Variants in MICAL3 observed in about 807,000 individuals in gnomAD.
The protein encoded by MICAL3 is [F-actin]-monooxygenase MICAL3.
Under a neutral mutation model 207.4 loss-of-function variants are expected in MICAL3, and 62 were observed. That is an observed-to-expected ratio of 0.30 (90% confidence interval 0.24 to 0.37). The LOEUF (loss-of-function observed/expected upper bound fraction) is 0.37. MICAL3 is among the 10% of genes least tolerant of loss of function. The probability of loss-of-function intolerance (pLI) is 1.00; values close to 1 mark genes in which losing one functional copy is unlikely to be tolerated. For missense variants in MICAL3, 2,368 were observed against 2,635.6 expected (o/e 0.90, Z 2.22); for synonymous variants, 1,077 against 1,069.3 (o/e 1.01, Z -0.14).
intron 16 of MICAL3, among the ~76,000 whole-genome samples, chr22:17,872,245 C>A (rs983445122): frequency 8.5e-5 from 13 of 152,380 alleles, no homozygotes; most frequent in African/African-American, 3.1e-4. Flanking sequence ...ACACTTGGCA[C>A]AACCGCGAAA....
chr22:17,867,611 C>T (rs1239304506), intron 17 of MICAL3, among the ~76,000 whole-genome samples: 1 of 152,228 alleles, frequency 6.6e-6, no homozygotes, highest in South Asian at 2.1e-4. Context: ...CCAGGCCGCT[C>T]GGCAACTCAC....
Position 17,900,912 on chromosome 22 carries a change from T to C in MICAL3, c.777A>G (p.Lys259=). The C allele has an allele frequency of 1.9e-6, 3 of 1,614,032 alleles. No homozygotes were observed. The highest frequency in any genetic ancestry group is 2.5e-6 in the Non-Finnish European group (3 of 1,179,864). ...FINRNTTAEA[K]VEEISGVAFI... ...AAGCCACACCACTGATCTCTTCCAC[T>C]TTAGCTTCTGCTGTTGTATTTCGGT... The change falls in exon 6 of 32, where the codon AAA becomes AAG. Residue 259 remains lysine (K), a synonymous_variant. Transcript: ENST00000441493. This position sits in a 1 kb window ranked among gnomAD's most constrained non-coding sequence, Gnocchi z 4.0.
chr22:17,951,449 CCT>C (rs1326585886), intron 1 of MICAL3, among the ~76,000 whole-genome samples: 2 of 151,520 alleles, frequency 1.3e-5, no homozygotes, highest in African/African-American at 2.4e-5. Context: ...GATAAGAGCC[CCT>C]GTGTGACGCA....
intron 29 of MICAL3, among the ~76,000 whole-genome samples, chr22:17,807,350 G>A (rs2061999332): frequency 6.6e-6 from 1 of 152,228 alleles, no homozygotes; most frequent in African/African-American, 2.4e-5. Context: ...AGGGGGGCAG[G>A]GGCACCGCAG....
Position 17,916,675 on chromosome 22 carries a change from A to C in MICAL3, c.-74-9789T>G, listed in dbSNP as rs967394724. Among the ~76,000 whole-genome samples the C allele has an allele frequency of 9.2e-5, 14 of 151,920 alleles. No homozygotes were observed. The South Asian group carries it at 1.0e-3, about 11-fold the overall frequency. ...ACAGCTCACTACCGTCTGCCCCCCC[A>C]CAACCCCACCGGCCTCCAGGACAAG... is the stretch of plus-strand genomic sequence containing the variant. On this transcript the variant is annotated intron_variant, in intron 1 of 31. Transcript: ENST00000441493.
intron 11 of MICAL3, among the ~76,000 whole-genome samples, chr22:17,893,018 T>C (rs890860074): frequency 7.2e-5 from 11 of 152,082 alleles, no homozygotes; most frequent in African/African-American, 2.7e-4. Flanking sequence ...CAATGTGAGG[T>C]AGACACTGCT....
chr22:17,907,795 G>A (rs1015523116), intron 1 of MICAL3, among the ~76,000 whole-genome samples: 6 of 152,208 alleles, frequency 3.9e-5, no homozygotes, highest in African/African-American at 9.6e-5. Flanking sequence ...CAGAAAGTTC[G>A]AGAGTGTCAA....
intron 1 of MICAL3, chr22:18,006,066 A>T (rs1204051429): frequency 6.6e-6 from 1 of 152,148 alleles, no homozygotes; most frequent in East Asian, 1.9e-4. Context: ...TCACTCCCAT[A>T]GCTCTCTCTT....
chr22:17,879,497 G>A (rs1451304248), intron 16 of MICAL3: 2 of 967,330 alleles, frequency 2.1e-6, no homozygotes, highest in East Asian at 2.6e-5. Flanking sequence ...GAAATGCAGA[G>A]TTCAACACAT....
At chr22:17,949,908 A>G (rs1023257083) in intron 1 of MICAL3, among the ~76,000 whole-genome samples, 2 of 152,242 alleles carry the variant, frequency 1.3e-5, no homozygotes, top group Admixed American at 6.5e-5. Context: ...AGGGCCAGAG[A>G]TGCTGTGCTT....
At chr22:17,879,156 C>T (rs1929177117) in intron 16 of MICAL3, among the ~76,000 whole-genome samples, 2 of 152,174 alleles carry the variant, frequency 1.3e-5, no homozygotes, top group Admixed American at 1.3e-4. Flanking sequence ...GACTGCTTTA[C>T]AGTGAATGCT....
chr22:17,789,384 T>A lies in MICAL3; in HGVS notation c.*1348A>T, dbSNP rs79839523. The A allele has an allele frequency of 3.7e-3, 558 of 152,308 alleles. 5 individuals carry two copies. Among genetic ancestry groups the A allele is most frequent in the African/African-American group, 0.013 (531 of 41,562 alleles). 9.4% of individuals were successfully genotyped at this position (152,308 alleles called of 1,614,324 possible). The stretch of plus-strand genomic sequence containing the variant: ...CCATCCTGAAACCTTCTTTAACATA[T>A]GTGCGGAGGAAGGTGATGCCCTGGC... On this transcript the variant is annotated 3_prime_UTR_variant, in exon 32 of 32. Transcript: ENST00000441493.
At chr22:17,842,775 T>C (rs61626259) in intron 19 of MICAL3, among the ~76,000 whole-genome samples, 19,096 of 152,232 alleles carry the variant, frequency 0.13, 1,756 homozygotes, top group African/African-American at 0.26. Flanking sequence ...TCGTCGGCGA[T>C]CTTGGCCGGA....
chr22:18,017,541 A>T (rs569885326), intron 1 of MICAL3, among the ~76,000 whole-genome samples: 4 of 151,786 alleles, frequency 2.6e-5, no homozygotes, highest in Admixed American at 2.6e-4. Context: ...TTAATTTGTA[A>T]TATATAATGC....
chr22:17,976,864 T>G (rs1935681375), intron 1 of MICAL3, among the ~76,000 whole-genome samples: 1 of 150,842 alleles, frequency 6.6e-6, no homozygotes, highest in Non-Finnish European at 1.5e-5. Flanking sequence ...TGGAGTGCAG[T>G]GGCGTGATCT....
chr22:17,794,787 G>A (rs1007473638), intron 29 of MICAL3, among the ~76,000 whole-genome samples: 1 of 152,188 alleles, frequency 6.6e-6, no homozygotes, highest in Admixed American at 6.5e-5. Flanking sequence ...AGTGTGCAGA[G>A]AGACATCTCT....
intron 26 of MICAL3, 38 bp downstream of exon 26, chr22:17,817,273 C>A: frequency 6.5e-7 from 1 of 1,539,108 alleles, no homozygotes; most frequent in Non-Finnish European, 8.8e-7. Flanking sequence ...CCGCACCCCT[C>A]CCGCTCTGCC....
chr22:17,866,968 T>C (rs1156952750), intron 17 of MICAL3, among the ~76,000 whole-genome samples: 2 of 152,232 alleles, frequency 1.3e-5, no homozygotes, highest in African/African-American at 4.8e-5. Flanking sequence ...AGTAATCCCA[T>C]TTCATTTTCC....
chr22:17,801,920 A>C (rs2061944466), intron 29 of MICAL3, among the ~76,000 whole-genome samples: 1 of 151,784 alleles, frequency 6.6e-6, no homozygotes, highest in African/African-American at 2.4e-5. Context: ...CAACAACAAC[A>C]ACAACAAAAA....
Sources: gnomAD v4.1 joint callset for allele counts (sites outside exome capture counted in the v4.1 genomes callset) on GRCh38, gnomAD v4.1.1 for gene constraint, Gnocchi (gnomAD v3.1) non-coding constraint, MANE v1.5 for transcripts, NCBI Gene and HGNC (gene_info 2026-07-23, HGNC 2026-07-21) for gene names.